The following FALEC variants were observed in gnomAD, a reference collection of about 807,000 sequenced individuals.
FALEC encodes focally amplified lncRNA regulator of ECM1.
the FALEC span, among the ~76,000 whole-genome samples, chr1:150,533,723 C>T: frequency 6.6e-6 from 1 of 152,144 alleles, no homozygotes; most frequent in South Asian, 2.1e-4. Context: ...AGGCATGAGC[C>T]ACCGTGCCCA....
chr1:150,517,001 A>G (rs189963850), intron 1 of FALEC, among the ~76,000 whole-genome samples: 10 of 152,284 alleles, frequency 6.6e-5, no homozygotes, highest in Admixed American at 6.5e-4. Context: ...AAAGTGTGGT[A>G]TATTTAAATA....
chr1:150,516,660 G>C (rs1347220333), intron 1 of FALEC, among the ~76,000 whole-genome samples: 1 of 152,204 alleles, frequency 6.6e-6, no homozygotes, highest in Non-Finnish European at 1.5e-5. Context: ...CAATTCAGGG[G>C]CGGTGAGTAA....
the FALEC span, among the ~76,000 whole-genome samples, chr1:150,530,130 TG>T: frequency 6.6e-6 from 1 of 152,150 alleles, no homozygotes; most frequent in African/African-American, 2.4e-5. Flanking sequence ...TGCAGGGGCC[TG>T]GACTGCACCA....
At chr1:150,517,296 C>CAAA (rs34702640) in intron 1 of FALEC, among the ~76,000 whole-genome samples, 87 of 93,182 alleles carry the variant, frequency 9.3e-4, no homozygotes, top group Non-Finnish European at 1.0e-3. Flanking sequence ...GACTCCGTCT[C>CAAA]AAAAAAAAAA....
the FALEC span, among the ~76,000 whole-genome samples, chr1:150,534,569 C>T: frequency 4.5e-4 from 69 of 152,202 alleles, no homozygotes; most frequent in African/African-American, 1.7e-3. Flanking sequence ...TCTAGCCTGG[C>T]ACAGTGGCTC....
the FALEC span, among the ~76,000 whole-genome samples, chr1:150,529,746 T>C: frequency 2.6e-5 from 4 of 152,104 alleles, no homozygotes; most frequent in East Asian, 3.9e-4. Flanking sequence ...TACAGGCGCC[T>C]GCCACCACGC....
downstream of FALEC, among the ~76,000 whole-genome samples, chr1:150,519,203 G>A (rs1017408586): frequency 6.6e-6 from 1 of 151,998 alleles, no homozygotes; most frequent in African/African-American, 2.4e-5. Flanking sequence ...TCCTGATGAC[G>A]CCCTCCTCCC....
chr1:150,527,079 A>G, the FALEC span, among the ~76,000 whole-genome samples: 1 of 149,578 alleles, frequency 6.7e-6, no homozygotes, highest in Non-Finnish European at 1.5e-5. Context: ...AGTTGGGACT[A>G]CAGGCACCCA....
At chr1:150,535,216 CA>C in the FALEC span, among the ~76,000 whole-genome samples, 1 of 50,614 alleles carries the variant, frequency 2.0e-5, no homozygotes, top group Admixed American at 1.5e-4. Context: ...TGTTGACAAA[CA>C]GTATTTTTAT....
At chr1:150,529,845 C>T in the FALEC span, among the ~76,000 whole-genome samples, 6 of 152,176 alleles carry the variant, frequency 3.9e-5, no homozygotes, top group Non-Finnish European at 8.8e-5. Context: ...GATCCGCCCA[C>T]CTCAGCCTCC....
chr1:150,535,619 C>A, the FALEC span, among the ~76,000 whole-genome samples: 1 of 152,240 alleles, frequency 6.6e-6, no homozygotes, highest in African/African-American at 2.4e-5. Context: ...GGGCCAGGCA[C>A]TGTTCAGTTA....
the FALEC span, among the ~76,000 whole-genome samples, chr1:150,530,953 C>T: frequency 1.1e-4 from 17 of 152,198 alleles, no homozygotes; most frequent in Admixed American, 1.1e-3. Flanking sequence ...CCTCAGTTCC[C>T]TAACTGCACT....
At chr1:150,526,546 T>TGAGTCTTGCTGTGTTGC in the FALEC span, among the ~76,000 whole-genome samples, 1 of 151,530 alleles carries the variant, frequency 6.6e-6, no homozygotes, top group African/African-American at 2.4e-5. Context: ...TTTTTGATTC[T>TGAGTCTTGCTGTGTTGC]CCTGCCTCAG....
At chr1:150,534,581 A>C in the FALEC span, among the ~76,000 whole-genome samples, 64 of 152,170 alleles carry the variant, frequency 4.2e-4, no homozygotes, top group Middle Eastern at 3.4e-3. Context: ...CAGTGGCTCA[A>C]GCCTGTAATC....
chr1:150,527,808 C>A, the FALEC span, among the ~76,000 whole-genome samples: 1 of 152,050 alleles, frequency 6.6e-6, no homozygotes, highest in African/African-American at 2.4e-5. Context: ...CAAGATCGCA[C>A]CACTCCACTC....
chr1:150,529,710 G>T, the FALEC span, among the ~76,000 whole-genome samples: 1 of 151,814 alleles, frequency 6.6e-6, no homozygotes, highest in Non-Finnish European at 1.5e-5. Context: ...CCATTCTCCT[G>T]CCTCAGTCTC....
the FALEC span, among the ~76,000 whole-genome samples, chr1:150,531,378 G>A: frequency 6.6e-6 from 1 of 152,118 alleles, no homozygotes; most frequent in African/African-American, 2.4e-5. Context: ...TGGAGGCTGA[G>A]GCAGGAGAAT....
the FALEC span, among the ~76,000 whole-genome samples, chr1:150,526,926 G>T: frequency 2.0e-5 from 3 of 151,532 alleles, no homozygotes; most frequent in East Asian, 1.9e-4. Context: ...GAGCCACCAC[G>T]CCTGGCCTAT....
the FALEC span, among the ~76,000 whole-genome samples, chr1:150,531,106 C>T: frequency 6.6e-6 from 1 of 152,300 alleles, no homozygotes; most frequent in South Asian, 2.1e-4. Context: ...AAGGCATTCA[C>T]ACATCTAAGG....
Sources: gnomAD v4.1 joint callset for allele counts (sites outside exome capture counted in the v4.1 genomes callset) on GRCh38, gnomAD v4.1.1 for gene constraint, MANE v1.5 for transcripts, NCBI Gene and HGNC (gene_info 2026-07-23, HGNC 2026-07-21) for gene names.